Variants in SPAG16 observed in about 807,000 individuals in gnomAD.
SPAG16 encodes sperm-associated antigen 16 protein.
In SPAG16, 86 loss-of-function variants were observed where a neutral mutation model predicts 80.4. That is an observed-to-expected ratio of 1.07 (90% CI 0.90 to 1.28). The LOEUF is 1.28. Ranked by LOEUF, SPAG16 falls within the 50% of genes most tolerant of loss-of-function variation. The pLI is 0.00. For missense variants in SPAG16, 870 were observed against 765.3 expected (o/e 1.14, Z -1.61); for synonymous variants, 294 against 265.9 (o/e 1.11, Z -1.03).
chr2:214,313,777 T>G (rs1018182984), intron 15 of SPAG16, among the ~76,000 whole-genome samples: 5 of 152,116 alleles, frequency 3.3e-5, no homozygotes, highest in African/African-American at 1.2e-4. Flanking sequence ...AATACCACAT[T>G]CAGGATAATG....
chr2:214,402,326 G>A (rs535030919), intron 15 of SPAG16, among the ~76,000 whole-genome samples: 2 of 151,822 alleles, frequency 1.3e-5, no homozygotes, highest in Admixed American at 1.3e-4. Flanking sequence ...GTTTTTCCTT[G>A]GAATTTCAGG....
Position 213,953,365 on chromosome 2 carries a change from T to C in SPAG16, c.1400+23220T>C, listed in dbSNP as rs548707889. 1.1e-4 allele frequency among the ~76,000 whole-genome samples: 17 copies of C among 151,478 alleles called. No homozygotes were observed. In the East Asian group the frequency reaches 2.9e-3, roughly 26 times the overall value. On this transcript the variant is annotated intron_variant, in intron 12 of 15. Transcript: ENST00000331683. ...AGGAAAATTTTAAAGAATAAATAGG[T>C]TGGGGGCCATTTAGGAAAAGGAGAA...
chr2:213,998,498 C>G (rs759585475), intron 12 of SPAG16, among the ~76,000 whole-genome samples: 2 of 152,194 alleles, frequency 1.3e-5, no homozygotes, highest in Non-Finnish European at 2.9e-5. Context: ...ATGCAGAACT[C>G]TAAGTCCAAT....
intron 10 of SPAG16, among the ~76,000 whole-genome samples, chr2:213,614,272 T>A (rs888045517): frequency 2.0e-5 from 3 of 152,248 alleles, no homozygotes; most frequent in Non-Finnish European, 4.4e-5. Context: ...TTCCAACAAC[T>A]GATTTTTGTA....
intron 10 of SPAG16, among the ~76,000 whole-genome samples, chr2:213,578,198 A>G (rs1330054428): frequency 6.6e-6 from 1 of 152,144 alleles, no homozygotes; most frequent in Admixed American, 6.6e-5. Flanking sequence ...ATAAAGTGAT[A>G]CATCAGTCAT....
chr2:213,554,295 C>A (rs1284274042), intron 10 of SPAG16, among the ~76,000 whole-genome samples: 1 of 152,212 alleles, frequency 6.6e-6, no homozygotes, highest in Non-Finnish European at 1.5e-5. Flanking sequence ...AGCACAGAGA[C>A]TACATTTCTG....
intron 11 of SPAG16, among the ~76,000 whole-genome samples, chr2:213,893,794 A>G (rs1253262287): frequency 6.6e-6 from 1 of 152,150 alleles, no homozygotes; most frequent in Non-Finnish European, 1.5e-5. Context: ...AGCAGAGAAA[A>G]TCAAAATCTT....
chr2:213,702,444 T>G (rs902940562), intron 10 of SPAG16, among the ~76,000 whole-genome samples: 1 of 152,202 alleles, frequency 6.6e-6, no homozygotes. Flanking sequence ...GCACCTTCAC[T>G]TCTGAGGCCA....
intron 3 of SPAG16, 69 bp from the exon 4 acceptor site, chr2:213,309,990 A>T: frequency 2.1e-6 from 2 of 971,426 alleles, no homozygotes; most frequent in Admixed American, 2.3e-5. Context: ...AATGAGTCGA[A>T]GGCTTATCTA....
intron 9 of SPAG16, among the ~76,000 whole-genome samples, chr2:213,454,703 C>T (rs1261918139): frequency 6.6e-6 from 1 of 152,120 alleles, no homozygotes; most frequent in Non-Finnish European, 1.5e-5. Flanking sequence ...TCTGCTCAGG[C>T]CTCAAGATCT....
intron 9 of SPAG16, among the ~76,000 whole-genome samples, chr2:213,472,621 C>T (rs2073141768): frequency 6.6e-6 from 1 of 152,190 alleles, no homozygotes; most frequent in African/African-American, 2.4e-5. Context: ...CCTTACCTGT[C>T]AGAGAGCCAA....
intron 13 of SPAG16, among the ~76,000 whole-genome samples, chr2:214,087,524 G>T (rs73987153): frequency 0.019 from 2,868 of 152,198 alleles, 93 homozygotes; most frequent in African/African-American, 0.066. Context: ...TTTTCTAAAA[G>T]ATGTCACATG....
chr2:213,979,968 T>G (rs2045610550), intron 12 of SPAG16, among the ~76,000 whole-genome samples: 1 of 151,936 alleles, frequency 6.6e-6, no homozygotes, highest in African/African-American at 2.4e-5. Context: ...AAATTTTCTC[T>G]CCACCCTTCC....
At chr2:214,205,542 C>G (rs961503621) in intron 15 of SPAG16, among the ~76,000 whole-genome samples, 1 of 151,978 alleles carries the variant, frequency 6.6e-6, no homozygotes, top group Non-Finnish European at 1.5e-5. Context: ...CAGTATTATA[C>G]AAAAGCATTG....
At chr2:214,365,529 G>C (rs1699425251) in intron 15 of SPAG16, among the ~76,000 whole-genome samples, 1 of 152,084 alleles carries the variant, frequency 6.6e-6, no homozygotes, top group Non-Finnish European at 1.5e-5. Context: ...AGAAGAGAAT[G>C]CATGCTTCAG....
At chr2:214,241,729 C>G (rs981737129) in intron 15 of SPAG16, among the ~76,000 whole-genome samples, 9 of 152,128 alleles carry the variant, frequency 5.9e-5, no homozygotes, top group African/African-American at 1.9e-4. Flanking sequence ...AAAGTTTAAA[C>G]TAATTTACTG....
chr2:214,090,060 A>G (rs2125308516), intron 13 of SPAG16, among the ~76,000 whole-genome samples: 1 of 152,114 alleles, frequency 6.6e-6, no homozygotes, highest in South Asian at 2.1e-4. Flanking sequence ...CATTGATAAC[A>G]TATCTATACA....
chr2:213,991,742 G>A (rs1311296409), intron 12 of SPAG16, among the ~76,000 whole-genome samples: 2 of 152,098 alleles, frequency 1.3e-5, no homozygotes, highest in Non-Finnish European at 2.9e-5. Context: ...CTTTTAATGG[G>A]TGGATTTCCA....
In SPAG16 at chr2:213,659,046, A is replaced by G. The variant is rs148561518; in HGVS notation, c.1070+168956A>G. On this transcript the variant is annotated intron_variant, in intron 10 of 15. Coordinates refer to ENST00000331683, the MANE Select transcript of SPAG16 (RefSeq NM_024532.5). ...CGAGACTCTGTCTCAAAAAAAAACA[A>G]AAACACAACACTAATAGCCACTCTG... is the stretch of plus-strand genomic sequence containing the variant. 8.1e-4 allele frequency among the ~76,000 whole-genome samples: 123 copies of G among 152,334 alleles called. 1 individual carries two copies. Among genetic ancestry groups the G allele is most frequent in the African/African-American group, 2.8e-3 (118 of 41,572 alleles).
Sources: allele counts gnomAD v4.1 joint callset (sites outside exome capture counted in the v4.1 genomes callset), GRCh38; gene constraint gnomAD v4.1.1; transcripts MANE v1.5; gene names NCBI Gene and HGNC (gene_info 2026-07-23, HGNC 2026-07-21).